DCUN1D5: variants seen among roughly 807,000 people sequenced by gnomAD.
DCUN1D5 encodes the protein defective in cullin neddylation 1 domain containing 5, also known as DCN1-like protein 5.
DCUN1D5 carries 10 observed loss-of-function variants against 38.3 expected under a neutral mutation model. The observed-to-expected ratio is 0.26, with a 90% confidence interval of 0.16 to 0.44. The LOEUF (loss-of-function observed/expected upper bound fraction) is 0.44. Ranked by LOEUF, DCUN1D5 falls within the 20% of genes least tolerant of loss-of-function variation. The pLI, the probability that DCUN1D5 is intolerant of heterozygous loss-of-function variation, is 1.00. For synonymous variants in DCUN1D5, 93 were observed against 90.9 expected (o/e 1.02, Z -0.13); for missense variants, 148 against 275.3 (o/e 0.54, Z 3.27).
In DCUN1D5 at chr11:103,062,511, A is replaced by G; in HGVS notation, c.659-97T>C. The G allele has an allele frequency of 3.9e-6, 4 of 1,016,364 alleles. No homozygotes were observed. In the South Asian group the frequency reaches 5.9e-5, roughly 15 times the overall value. 63.0% of individuals were successfully genotyped at this position (1,016,364 alleles called of 1,614,324 possible). A position where few individuals can be genotyped will look rare whatever the true frequency, so the allele number is the denominator to read the frequency against. ...CGAGCTCTGCAATGACAGAGGAATG[A>G]CCCTTCCTTTCTTTGGGTGTTCTGC... On this transcript the variant is annotated intron_variant, in intron 7 of 7. Coordinates refer to ENST00000260247, the MANE Select transcript of DCUN1D5 (RefSeq NM_032299.4). The surrounding 1 kb of genome is among the most constrained non-coding windows in gnomAD (Gnocchi z 4.6).
intron 4 of DCUN1D5, among the ~76,000 whole-genome samples, chr11:103,080,339 T>C (rs997286017): frequency 2.0e-5 from 3 of 152,246 alleles, no homozygotes; most frequent in Admixed American, 1.3e-4. Context: ...ACACAAAGTA[T>C]ACTAAGCAAC....
chr11:103,057,462 G>C lies in DCUN1D5; in HGVS notation c.*4897C>G, dbSNP rs757673535. On this transcript the variant is annotated 3_prime_UTR_variant, in exon 8 of 8. Transcript: ENST00000260247. This position sits in a 1 kb window ranked among gnomAD's most constrained non-coding sequence, Gnocchi z 4.8. ...CTCACACCTGTAATCCCAGCACTTT[G>C]GGAGTCTGAGGTGGGTGGGATCACT... Among the ~76,000 whole-genome samples, 3 of 151,972 alleles carry C rather than the reference G, an allele frequency of 2.0e-5. No homozygotes were observed. Among genetic ancestry groups the C allele is most frequent in the Non-Finnish European group, 4.4e-5 (3 of 68,004 alleles).
chr11:103,068,222 T>A (rs745636641), intron 4 of DCUN1D5, among the ~76,000 whole-genome samples: 8 of 152,218 alleles, frequency 5.3e-5, no homozygotes, highest in South Asian at 2.1e-4. Flanking sequence ...TTTAATATAG[T>A]ATTTAAGGCT....
rs1862872797 is a variant in DCUN1D5, at chr11:103,091,684, C to T, written c.86+103G>A. 6.2e-7 allele frequency: 1 copy of T among 1,604,772 alleles called. No individual in the cohort carries two copies. The highest frequency in any genetic ancestry group is 8.5e-7 in the Non-Finnish European group (1 of 1,175,760). On this transcript the variant is annotated intron_variant, in intron 1 of 7. Transcript: ENST00000260247. This position sits in a 1 kb window ranked among gnomAD's most constrained non-coding sequence, Gnocchi z 4.3. The stretch of plus-strand genomic sequence containing the variant: ...CCTAGCTCGATCAAAGGGGCCTCAC[C>T]TGTCTCCAGCCCCAGCCCGGCAGGC...
Position 103,064,457 on chromosome 11 carries a change from T to C in DCUN1D5, c.556-80A>G. On this transcript the variant is annotated intron_variant, in intron 6 of 7. Transcript: ENST00000260247. This position sits in a 1 kb window ranked among gnomAD's most constrained non-coding sequence, Gnocchi z 4.5. Reference sequence around the variant, plus strand: ...TCAATTTAGTAAACTAAGTTTTAACTGTTTTTGTGATTTGGTTTTTTCTAA... The same window carrying C: ...TCAATTTAGTAAACTAAGTTTTAACCGTTTTTGTGATTTGGTTTTTTCTAA... 1.8e-6 allele frequency: 2 copies of C among 1,130,024 alleles called. No homozygotes were observed. The highest frequency in any genetic ancestry group is 1.6e-5 in the African/African-American group (1 of 62,310). The allele number at this position is 1,130,024 out of a possible 1,614,324, so 70.0% of individuals were successfully genotyped here. A position where few individuals can be genotyped will look rare whatever the true frequency, so the allele number is the denominator to read the frequency against.
rs1862715127 is a variant in DCUN1D5 at position 103,086,632 on chromosome 11, TACTG to T, written c.178+2591_178+2594del. Among the ~76,000 whole-genome samples the T allele has an allele frequency of 6.6e-6, 1 of 152,160 alleles. No homozygotes were observed. The highest frequency in any genetic ancestry group is 1.5e-5 in the Non-Finnish European group (1 of 68,022). Reference sequence around the variant, plus strand: ...TACTTATCTTGCCTACATACCTGTTTACTGACTGTCTTCCTCACCAGAAGGCAAG... The same window carrying T: ...TACTTATCTTGCCTACATACCTGTTTACTGTCTTCCTCACCAGAAGGCAAG... On this transcript the variant is annotated intron_variant, in intron 2 of 7. Coordinates refer to ENST00000260247, the MANE Select transcript of DCUN1D5 (RefSeq NM_032299.4). The surrounding 1 kb of genome is among the most constrained non-coding windows in gnomAD (Gnocchi z 4.1).
rs191205201 is a variant in DCUN1D5, at chr11:103,071,858, A to G, written c.342-5291T>C. 7.2e-3 allele frequency among the ~76,000 whole-genome samples: 1,093 copies of G among 151,332 alleles called. 8 individuals are homozygous for G. The highest frequency in any genetic ancestry group is 0.012 in the Non-Finnish European group (826 of 67,728). On this transcript the variant is annotated intron_variant, in intron 4 of 7. Coordinates refer to ENST00000260247, the MANE Select transcript of DCUN1D5 (RefSeq NM_032299.4). The surrounding 1 kb of genome is among the most constrained non-coding windows in gnomAD (Gnocchi z 4.1). ...TACCAAACCTTTAAAGACTTATTCC[A>G]CATCTCTCTCAAAACATAAAAGATT... is the stretch of plus-strand genomic sequence containing the variant.
intron 4 of DCUN1D5, among the ~76,000 whole-genome samples, chr11:103,069,561 A>G (rs1862220253): frequency 6.6e-6 from 1 of 152,184 alleles, no homozygotes; most frequent in African/African-American, 2.4e-5. Flanking sequence ...GCCAGGTAGT[A>G]ACAAGCAGCC....
In DCUN1D5 at chr11:103,053,029, T is replaced by TA. The variant is rs1243326662; in HGVS notation, c.*9329dup. On this transcript the variant is annotated 3_prime_UTR_variant, in exon 8 of 8. Transcript: ENST00000260247. This position sits in a 1 kb window ranked among gnomAD's most constrained non-coding sequence, Gnocchi z 4.8. ...CTTTCTGTTTTAAATACTGTGCTTC[T>TA]AGGTAAAACTTATTTTGCAATAGGG... The TA allele has an allele frequency of 6.6e-6, 1 of 152,126 alleles. No individual in the cohort carries two copies. Among genetic ancestry groups the TA allele is most frequent in the Admixed American group, 6.5e-5 (1 of 15,268 alleles). The allele number at this position is 152,126 out of a possible 1,614,324, so 9.4% of individuals were successfully genotyped here. A position where few individuals can be genotyped will look rare whatever the true frequency, so the allele number is the denominator to read the frequency against.
In DCUN1D5 at chr11:103,091,902, G is replaced by T. The variant is rs538747049; in HGVS notation, c.-30C>A. The T allele has an allele frequency of 3.4e-5, 55 of 1,600,486 alleles. 1 individual carries two copies. In the East Asian group the frequency reaches 4.7e-4, roughly 14 times the overall value. On this transcript the variant is annotated 5_prime_UTR_variant, in exon 1 of 8. Coordinates refer to ENST00000260247, the MANE Select transcript of DCUN1D5 (RefSeq NM_032299.4). This position sits in a 1 kb window ranked among gnomAD's most constrained non-coding sequence, Gnocchi z 4.3. ...CGCCCTCCCCGGCAGGGTGGGCAGG[G>T]GAGCCGGGGAAGGGGGTCCCTGTCC...
At chr11:103,080,977 G>A (rs1437819375) in intron 4 of DCUN1D5, among the ~76,000 whole-genome samples, 1 of 151,386 alleles carries the variant, frequency 6.6e-6, no homozygotes, top group Non-Finnish European at 1.5e-5. Context: ...CCACTGTACT[G>A]TAGCCTGGCG....
At chr11:103,072,349 T>TCTAGATCTAGAACTAGAA (rs1441419562) in intron 4 of DCUN1D5, among the ~76,000 whole-genome samples, 8 of 150,794 alleles carry the variant, frequency 5.3e-5, no homozygotes, top group African/African-American at 1.5e-4. Context: ...TAGATCTAGA[T>TCTAGATCTAGAACTAGAA]CTAGATCTAG....
chr11:103,089,808 A>G (rs183012465), intron 1 of DCUN1D5, among the ~76,000 whole-genome samples: 1 of 152,138 alleles, frequency 6.6e-6, no homozygotes, highest in Non-Finnish European at 1.5e-5. Context: ...AAGATAAATG[A>G]TGACTTAGGA....
At chr11:103,076,621 A>G (rs1862413824) in intron 4 of DCUN1D5, among the ~76,000 whole-genome samples, 1 of 152,198 alleles carries the variant, frequency 6.6e-6, no homozygotes, top group African/African-American at 2.4e-5. Context: ...TAAAACGACG[A>G]TAATAATTTA....
intron 2 of DCUN1D5, 66 bp downstream of exon 2, chr11:103,089,161 A>T: frequency 1.3e-6 from 2 of 1,492,444 alleles, no homozygotes; most frequent in Non-Finnish European, 1.8e-6. Flanking sequence ...ATAATTTGTT[A>T]AATGAATAAG....
At chr11:103,079,636 T>C (rs1007167061) in intron 4 of DCUN1D5, among the ~76,000 whole-genome samples, 1 of 149,832 alleles carries the variant, frequency 6.7e-6, no homozygotes, top group Non-Finnish European at 1.5e-5. Context: ...AAAAAAAAAA[T>C]AGCCAGGTGT....
intron 4 of DCUN1D5, among the ~76,000 whole-genome samples, chr11:103,070,379 T>C (rs1555028294): frequency 1.3e-5 from 2 of 152,072 alleles, no homozygotes; most frequent in Non-Finnish European, 2.9e-5. Flanking sequence ...ACAGAAATAT[T>C]AAAAGAAAGC....
intron 2 of DCUN1D5, among the ~76,000 whole-genome samples, chr11:103,085,026 G>A (rs185276656): frequency 3.9e-5 from 6 of 152,140 alleles, no homozygotes; most frequent in East Asian, 1.9e-4. Flanking sequence ...AAAGACAAAC[G>A]GTTTTTTTAA....
chr11:103,053,682 CATGT>C lies in DCUN1D5; in HGVS notation c.*8673_*8676del, dbSNP rs1861802766. 1.3e-5 allele frequency: 2 copies of C among 150,704 alleles called. No individual in the cohort carries two copies. The highest frequency in any genetic ancestry group is 4.9e-5 in the African/African-American group (2 of 40,972). 9.3% of individuals were successfully genotyped at this position (150,704 alleles called of 1,614,324 possible). A position where few individuals can be genotyped will look rare whatever the true frequency, so the allele number is the denominator to read the frequency against. On this transcript the variant is annotated 3_prime_UTR_variant, in exon 8 of 8. Coordinates refer to ENST00000260247, the MANE Select transcript of DCUN1D5 (RefSeq NM_032299.4). This position sits in a 1 kb window ranked among gnomAD's most constrained non-coding sequence, Gnocchi z 4.8. ...CACATGTACCCCCAAATAAATACAT[CATGT>C]ATCAATGAATTTTAATTATATGAAT...
Sources: allele counts gnomAD v4.1 joint callset (sites outside exome capture counted in the v4.1 genomes callset), GRCh38; gene constraint gnomAD v4.1.1; non-coding constraint Gnocchi (gnomAD v3.1); transcripts MANE v1.5; gene names NCBI Gene and HGNC (gene_info 2026-07-23, HGNC 2026-07-21).